IFT74: variants seen among roughly 807,000 people sequenced by gnomAD.
IFT74 encodes intraflagellar transport 74, also known as intraflagellar transport protein 74 homolog.
IFT74 carries 92 observed loss-of-function variants against 96.7 expected under a neutral mutation model. The observed-to-expected ratio is 0.95, with a 90% confidence interval of 0.80 to 1.13. The LOEUF (loss-of-function observed/expected upper bound fraction) is 1.13, where lower values mean the gene tolerates loss of function less well. Ranked by LOEUF, IFT74 falls within the 50% of genes most tolerant of loss-of-function variation. IFT74 has a pLI of 0.00. For missense variants in IFT74, 811 were observed against 698.2 expected (o/e 1.16, Z -1.82); for synonymous variants, 223 against 213.2 (o/e 1.05, Z -0.40).
chr9:27,001,759 C>G (rs1828502899), intron 8 of IFT74, among the ~76,000 whole-genome samples: 2 of 151,942 alleles, frequency 1.3e-5, no homozygotes, highest in South Asian at 2.1e-4. Flanking sequence ...TTTTCTCATT[C>G]CGTGGGTTGT....
chr9:27,019,146 G>A (rs758049631), intron 12 of IFT74, among the ~76,000 whole-genome samples: 9 of 151,808 alleles, frequency 5.9e-5, no homozygotes, highest in East Asian at 1.9e-4. Flanking sequence ...TAGTAGAGTC[G>A]AGATCTTGCT....
chr9:27,024,571 C>T (rs1829765214), intron 12 of IFT74, among the ~76,000 whole-genome samples: 1 of 152,066 alleles, frequency 6.6e-6, no homozygotes, highest in Non-Finnish European at 1.5e-5. Context: ...TGAGAAGGAA[C>T]CAGTAAAACA....
intron 12 of IFT74, among the ~76,000 whole-genome samples, chr9:27,027,640 C>T (rs1829928013): frequency 6.6e-6 from 1 of 152,050 alleles, no homozygotes; most frequent in Admixed American, 6.6e-5. Context: ...TTCATTTGCT[C>T]ATTTTTTAAA....
Position 26,988,630 on chromosome 9 carries a change from A to G in IFT74, c.466-39A>G, listed in dbSNP as rs773257143. ...ATTATAGAGAACATGTGTAAAGACT[A>G]ACAAAATGGTGTTTGTTTGTTTGTA... is the stretch of plus-strand genomic sequence containing the variant. On this transcript the variant is annotated intron_variant, in intron 6 of 19. Coordinates refer to ENST00000380062, the MANE Select transcript of IFT74 (RefSeq NM_025103.4). 23 of 1,508,542 alleles carry G rather than the reference A, an allele frequency of 1.5e-5. No individual in the cohort carries two copies. In the African/African-American group the frequency reaches 2.4e-4, roughly 16 times the overall value. 93.4% of individuals were successfully genotyped at this position (1,508,542 alleles called of 1,614,324 possible).
intron 3 of IFT74, among the ~76,000 whole-genome samples, 186 bp downstream of exon 3, chr9:26,978,449 A>G (rs888380336): frequency 1.3e-5 from 2 of 152,222 alleles, no homozygotes; most frequent in African/African-American, 2.4e-5. Flanking sequence ...AATCAGAATT[A>G]TGGCATCTAA....
intron 16 of IFT74, among the ~76,000 whole-genome samples, chr9:27,050,532 G>T (rs1352014782): frequency 1.3e-5 from 2 of 152,082 alleles, no homozygotes; most frequent in Non-Finnish European, 2.9e-5. Flanking sequence ...GGCTTCTGTG[G>T]GTGTTCTTTA....
At chr9:26,949,168 C>T (rs996686065) in intron 1 of IFT74, among the ~76,000 whole-genome samples, 1 of 152,166 alleles carries the variant, frequency 6.6e-6, no homozygotes, top group African/African-American at 2.4e-5. Flanking sequence ...ATCTAATTTA[C>T]TGCCTCCTAT....
intron 13 of IFT74, among the ~76,000 whole-genome samples, chr9:27,041,286 C>G (rs1316848336): frequency 6.6e-6 from 1 of 152,136 alleles, no homozygotes; most frequent in African/African-American, 2.4e-5. Context: ...TTTCACGCAT[C>G]TGGTTACCAC....
chr9:26,982,279 T>C (rs1827415185), intron 4 of IFT74: 2 of 367,210 alleles, frequency 5.4e-6, no homozygotes, highest in African/African-American at 4.4e-5. Flanking sequence ...TTTCTTTTTT[T>C]TTTGAGACGG....
intron 13 of IFT74, among the ~76,000 whole-genome samples, chr9:27,037,629 G>C (rs1819265129): frequency 6.6e-6 from 1 of 152,200 alleles, no homozygotes. Flanking sequence ...GCAGGCTTTG[G>C]GGTTCAAAGC....
rs1177955828 is a variant in IFT74, at chr9:27,055,704, A to G, written c.1429A>G (p.Met477Val). The stretch of plus-strand genomic sequence containing the variant: ...TTCTCTAAAAAGCAAAATTAAGCAA[A>G]TGACAACTGATCTGGAGATATATAA... ...QHSLKSKIKQ[M>V]TTDLEIYNDL... is the part of the protein sequence containing the mutation. Residue 477 changes from methionine (M) to valine (V), a missense_variant, in exon 17 of 20, where the codon ATG becomes GTG. Met to Val is a conservative substitution (Grantham distance 21). Transcript: ENST00000380062. 5.6e-6 allele frequency: 9 copies of G among 1,594,514 alleles called. No homozygotes were observed. Among genetic ancestry groups the G allele is most frequent in the Non-Finnish European group, 7.7e-6 (9 of 1,172,972 alleles).
At chr9:26,984,465 C>CA in intron 5 of IFT74, 34 bp from the exon 6 acceptor site, 1 of 1,592,650 alleles carries the variant, frequency 6.3e-7, no homozygotes, top group South Asian at 1.1e-5. Flanking sequence ...TTTTTATGTA[C>CA]ATATTTATGA....
chr9:27,039,363 A>G (rs1021950308), intron 13 of IFT74, among the ~76,000 whole-genome samples: 4 of 151,950 alleles, frequency 2.6e-5, no homozygotes, highest in African/African-American at 9.7e-5. Context: ...GTCTTAATGT[A>G]CTCTTTCAGG....
intron 8 of IFT74, among the ~76,000 whole-genome samples, chr9:27,003,927 G>A (rs760691647): frequency 2.6e-5 from 4 of 152,256 alleles, no homozygotes; most frequent in East Asian, 3.9e-4. Context: ...TCCTTCAATG[G>A]CTTGTTTCAG....
rs1819621864 is a variant in IFT74 at position 27,044,731 on chromosome 9, A to G, written c.1055-11A>G. The stretch of plus-strand genomic sequence containing the variant: ...TTTTGAAATTCATGTTGTATTTTAT[A>G]TCTCTCATAGGTGAAATGAACCAGA... On this transcript the variant is annotated splice_polypyrimidine_tract_variant and intron_variant, in intron 13 of 19. Transcript: ENST00000380062. 2.6e-6 allele frequency: 4 copies of G among 1,530,284 alleles called. No individual in the cohort carries two copies. Among genetic ancestry groups the G allele is most frequent in the Non-Finnish European group, 3.6e-6 (4 of 1,119,482 alleles). The allele number at this position is 1,530,284 out of a possible 1,614,324, so 94.8% of individuals were successfully genotyped here. A position where few individuals can be genotyped will look rare whatever the true frequency, so the allele number is the denominator to read the frequency against.
At chr9:26,982,271 TC>T (rs1406790827) in intron 4 of IFT74, 1 of 252,232 alleles carries the variant, frequency 4.0e-6, no homozygotes, top group South Asian at 2.1e-5. Context: ...AAGCTTTTTT[TC>T]TTTTTTTTTT....
intron 13 of IFT74, among the ~76,000 whole-genome samples, chr9:27,034,978 A>G (rs1370648890): frequency 1.3e-5 from 2 of 152,222 alleles, no homozygotes; most frequent in East Asian, 3.8e-4. Context: ...TAATTACAGT[A>G]CCTACCTCTT....
At chr9:27,006,367 A>G (rs1213643188) in intron 8 of IFT74, among the ~76,000 whole-genome samples, 1 of 152,130 alleles carries the variant, frequency 6.6e-6, no homozygotes, top group East Asian at 1.9e-4. Context: ...AGAAGCTAAG[A>G]TGAGAGAATA....
chr9:27,037,395 A>G (rs986428189), intron 13 of IFT74, among the ~76,000 whole-genome samples: 2 of 152,200 alleles, frequency 1.3e-5, no homozygotes, highest in Non-Finnish European at 2.9e-5. Flanking sequence ...GAATTTAAGG[A>G]TAGTAAGGGA....
Sources: allele counts gnomAD v4.1 joint callset (sites outside exome capture counted in the v4.1 genomes callset), GRCh38; gene constraint gnomAD v4.1.1; transcripts MANE v1.5; gene names NCBI Gene and HGNC (gene_info 2026-07-23, HGNC 2026-07-21).